MAPT: variants seen among roughly 807,000 people sequenced by gnomAD.
MAPT encodes the protein microtubule associated protein tau, also known as microtubule-associated protein tau.
In MAPT, 34 loss-of-function variants were observed where a neutral mutation model predicts 67.9. The observed-to-expected ratio is 0.50, with a 90% CI of 0.38 to 0.67. MAPT has a LOEUF of 0.67. MAPT is among the 30% of genes least tolerant of loss of function. MAPT has a pLI of 0.00. For missense variants in MAPT, 881 were observed against 1,115.2 expected, an observed-to-expected ratio of 0.79 and a Z score of 2.99; for synonymous variants, 456 against 464.5, an observed-to-expected ratio of 0.98 and a Z score of 0.23.
intron 9 of MAPT, among the ~76,000 whole-genome samples, chr17:46,005,341 T>C (rs1356415360): frequency 6.6e-6 from 1 of 152,236 alleles, no homozygotes; most frequent in African/African-American, 2.4e-5. Context: ...TCCCTTCTTC[T>C]AATGTTACTC....
rs111980135 is a variant in MAPT at position 45,982,816 on chromosome 17, G to A, written c.287-50G>A. 177 of 1,066,372 alleles carry A rather than the reference G, an allele frequency of 1.7e-4. No individual in the cohort carries two copies. In the African/African-American group the frequency reaches 2.6e-3, roughly 15 times the overall value. The allele number at this position is 1,066,372 out of a possible 1,614,324, so 66.1% of individuals were successfully genotyped here. On this transcript the variant is annotated intron_variant, in intron 4 of 12. Coordinates refer to ENST00000262410, the MANE Select transcript of MAPT (RefSeq NM_001377265.1). The stretch of plus-strand genomic sequence containing the variant: ...CAGGATGATGCTCCCTCTCTTAAGC[G>A]ATTAATGCGCCCTTGCTAACCTTTT...
intron 8 of MAPT, chr17:45,994,028 C>T (rs1422899186): frequency 6.0e-6 from 9 of 1,506,044 alleles, no homozygotes; most frequent in Non-Finnish European, 8.1e-6. Context: ...CGTGTGTGGC[C>T]ATTCACTGGC....
chr17:46,015,520 G>A (rs923833985), intron 11 of MAPT, among the ~76,000 whole-genome samples: 27 of 150,956 alleles, frequency 1.8e-4, no homozygotes, highest in African/African-American at 5.9e-4. Context: ...TTAGCCAGGC[G>A]TGGTGGCAGG....
intron 1 of MAPT, chr17:45,908,440 G>GA (rs1490333665): frequency 6.6e-6 from 1 of 152,214 alleles, no homozygotes; most frequent in Non-Finnish European, 1.5e-5. Flanking sequence ...GGCAGACAAA[G>GA]TCAGCCCTCT....
Position 45,896,699 on chromosome 17 carries a change from C to A in MAPT, c.-18+2013C>A, listed in dbSNP as rs74496580. 0.14 allele frequency: 21,816 copies of A among 152,222 alleles called. 2,137 individuals carry two copies. The highest frequency in any genetic ancestry group is 0.22 in the Middle Eastern group (64 of 294). The allele number at this position is 152,222 out of a possible 1,614,324, so 9.4% of individuals were successfully genotyped here. On this transcript the variant is annotated intron_variant, in intron 1 of 12. Coordinates refer to ENST00000262410, the MANE Select transcript of MAPT (RefSeq NM_001377265.1). This position sits in a 1 kb window ranked among gnomAD's most constrained non-coding sequence, Gnocchi z 5.6. Reference sequence around the variant, plus strand: ...GATTGGCCCCTGGAGGCCGCAGACACGCAGATAGGCGGCCCTGGGTGTATT... The same window carrying A: ...GATTGGCCCCTGGAGGCCGCAGACAAGCAGATAGGCGGCCCTGGGTGTATT...
intron 3 of MAPT, chr17:45,973,637 T>C (rs375889380): frequency 6.6e-6 from 1 of 152,174 alleles, no homozygotes; most frequent in South Asian, 2.1e-4. Context: ...ACTCCTTATG[T>C]GTACCCGGAA....
rs2075748077 is a variant in MAPT at position 46,010,449 on chromosome 17, T to C, written c.2091+47T>C. Reference sequence around the variant, plus strand: ...ATGCGCCGTGCTGTGGCTTGAATTATTAGGAAGTGGTGTGAGTGCGTACAC... The same window carrying C: ...ATGCGCCGTGCTGTGGCTTGAATTACTAGGAAGTGGTGTGAGTGCGTACAC... On this transcript the variant is annotated intron_variant, in intron 10 of 12. Coordinates refer to ENST00000262410, the MANE Select transcript of MAPT (RefSeq NM_001377265.1). This position sits in a 1 kb window ranked among gnomAD's most constrained non-coding sequence, Gnocchi z 4.7. 1.5e-6 allele frequency: 2 copies of C among 1,341,966 alleles called. No individual in the cohort carries two copies. The highest frequency in any genetic ancestry group is 2.9e-5 in the African/African-American group (2 of 69,122). The allele number at this position is 1,341,966 out of a possible 1,614,324, so 83.1% of individuals were successfully genotyped here.
intron 8 of MAPT, among the ~76,000 whole-genome samples, chr17:45,992,638 C>T (rs1447222532): frequency 1.3e-5 from 2 of 152,152 alleles, no homozygotes; most frequent in African/African-American, 4.8e-5. Flanking sequence ...CCTGTAATCC[C>T]AGCACTTTGG....
At chr17:45,951,777 C>T (rs1377783406) in intron 1 of MAPT, among the ~76,000 whole-genome samples, 4 of 152,058 alleles carry the variant, frequency 2.6e-5, no homozygotes, top group African/African-American at 9.7e-5. Context: ...TAAAAAATGT[C>T]CCATTTTAGT....
intron 10 of MAPT, among the ~76,000 whole-genome samples, chr17:46,012,662 C>T (rs994452942): frequency 1.3e-5 from 2 of 152,128 alleles, no homozygotes; most frequent in Non-Finnish European, 1.5e-5. Flanking sequence ...TGCTGTCCCC[C>T]TCCCTGCCCT....
Position 45,983,963 on chromosome 17 carries a change from G to A in MAPT, c.1351+33G>A, listed in dbSNP as rs750478167. ...TCTTGAGCTTCTTCGCTCCTTCCCT[G>A]GGGACCTCCCAGGCCTCCCAGGCTG... On this transcript the variant is annotated intron_variant, in intron 5 of 12. Transcript: ENST00000262410. 5.3e-6 allele frequency: 8 copies of A among 1,514,576 alleles called. No homozygotes were observed. In the South Asian group the frequency reaches 9.3e-5, roughly 18 times the overall value. 93.8% of individuals were successfully genotyped at this position (1,514,576 alleles called of 1,614,324 possible).
intron 1 of MAPT, among the ~76,000 whole-genome samples, chr17:45,950,660 T>C (rs962728669): frequency 3.3e-5 from 5 of 152,086 alleles, no homozygotes; most frequent in Non-Finnish European, 7.4e-5. Context: ...TTTAAAATTT[T>C]ATTTATTTAT....
Position 45,915,392 on chromosome 17 carries a change from G to A in MAPT, c.-18+20706G>A, listed in dbSNP as rs2065119837. Among the ~76,000 whole-genome samples, 1 of 151,618 alleles carries A rather than the reference G, an allele frequency of 6.6e-6. No homozygotes were observed. The highest frequency in any genetic ancestry group is 2.4e-5 in the African/African-American group (1 of 41,342). The stretch of plus-strand genomic sequence containing the variant: ...GTGTGTGGTGTGTGAGTTGTGTATG[G>A]TGTGTGCATGAGCATGTGTGTGGGC... On this transcript the variant is annotated intron_variant, in intron 1 of 12. Transcript: ENST00000262410. This position sits in a 1 kb window ranked among gnomAD's most constrained non-coding sequence, Gnocchi z 4.4.
At chr17:45,997,977 G>A (rs977495694) in intron 9 of MAPT, among the ~76,000 whole-genome samples, 2 of 152,094 alleles carry the variant, frequency 1.3e-5, no homozygotes, top group Admixed American at 6.5e-5. Context: ...CAGCACTGGG[G>A]AGCTGGGGAA....
chr17:46,001,407 A>G (rs1343844428), intron 9 of MAPT, among the ~76,000 whole-genome samples: 5 of 152,198 alleles, frequency 3.3e-5, no homozygotes, highest in Non-Finnish European at 1.5e-5. Flanking sequence ...AACAAAGATA[A>G]GAGCAGAAAT....
chr17:45,904,230 T>A (rs1260313957), intron 1 of MAPT, among the ~76,000 whole-genome samples: 4 of 47,062 alleles, frequency 8.5e-5, no homozygotes, highest in East Asian at 7.1e-4. Context: ...TTATATATAT[T>A]ATATATTATA....
In MAPT at chr17:45,962,447, G is replaced by T. The variant is rs966689443; in HGVS notation, c.110G>T (p.Gly37Val). 1 of 1,612,874 alleles carries T rather than the reference G, an allele frequency of 6.2e-7. No homozygotes were observed. Among genetic ancestry groups the T allele is most frequent in the African/African-American group, 1.3e-5 (1 of 75,002 alleles). ...GGYTMHQDQE[G>V]DTDAGLKESP... ...TACACCATGCACCAAGACCAAGAGG[G>T]TGACACGGACGCTGGCCTGAAAGGT... The change falls in exon 2 of 13, where the codon GGT (glycine) becomes GTT (valine). Residue 37 changes from glycine to valine, a missense_variant. Coordinates refer to ENST00000262410, the MANE Select transcript of MAPT (RefSeq NM_001377265.1).
At chr17:45,930,594 C>T (rs942520870) in intron 1 of MAPT, among the ~76,000 whole-genome samples, 3 of 152,190 alleles carry the variant, frequency 2.0e-5, no homozygotes, top group African/African-American at 7.2e-5. Flanking sequence ...CCAGGCCACA[C>T]AGCCAGTAAA....
In MAPT at chr17:45,983,275, C is replaced by G. The variant is rs1297410632; in HGVS notation, c.696C>G (p.Pro232=). The change falls in exon 5 of 13, where the codon CCC becomes CCG. Residue 232 remains proline, a synonymous_variant. Coordinates refer to ENST00000262410, the MANE Select transcript of MAPT (RefSeq NM_001377265.1). The part of the protein sequence containing the change: ...HQLMSGMPGA[P]LLPEGPREAT... ...TCATGTCCGGCATGCCTGGGGCTCC[C>G]CTCCTGCCTGAGGGCCCCAGAGAGG... 6.3e-7 allele frequency: 1 copy of G among 1,598,978 alleles called. No individual in the cohort carries two copies. The highest frequency in any genetic ancestry group is 1.7e-5 in the Admixed American group (1 of 57,834).
Sources: allele counts gnomAD v4.1 joint callset (sites outside exome capture counted in the v4.1 genomes callset), GRCh38; gene constraint gnomAD v4.1.1; non-coding constraint Gnocchi (gnomAD v3.1); transcripts MANE v1.5; gene names NCBI Gene and HGNC (gene_info 2026-07-23, HGNC 2026-07-21).